Variants in TMEM273 observed in about 807,000 individuals in gnomAD.
TMEM273 encodes transmembrane protein 273.
TMEM273 carries 19 observed loss-of-function variants against 17.9 expected under a neutral mutation model. The ratio of observed to expected loss-of-function variants is 1.06; its 90% CI spans 0.74 to 1.55. The LOEUF (loss-of-function observed/expected upper bound fraction) is 1.55, where lower values mean the gene tolerates loss of function less well. Ranked by LOEUF, TMEM273 falls within the 40% of genes most tolerant of loss-of-function variation. TMEM273 has a pLI of 0.00. For missense variants in TMEM273, 194 were observed against 155.6 expected, an observed-to-expected ratio of 1.25 and a Z score of -1.31; for synonymous variants, 66 against 62.0, an observed-to-expected ratio of 1.07 and a Z score of -0.31.
chr10:49,157,681 A>G (rs542344799), intron 6 of TMEM273, among the ~76,000 whole-genome samples: 10 of 152,226 alleles, frequency 6.6e-5, no homozygotes, highest in Non-Finnish European at 1.3e-4. Context: ...GAACTGATGA[A>G]TGCTCCTTAA....
chr10:49,177,527 T>G (rs989180615), intron 1 of TMEM273, among the ~76,000 whole-genome samples: 1 of 152,228 alleles, frequency 6.6e-6, no homozygotes, highest in African/African-American at 2.4e-5. Context: ...AGGGCCTCTC[T>G]TGGGGACAGT....
intron 1 of TMEM273, among the ~76,000 whole-genome samples, chr10:49,181,692 CA>C (rs1847349446): frequency 2.6e-5 from 4 of 151,992 alleles, no homozygotes; most frequent in Admixed American, 2.6e-4. Context: ...ATACTTTAAA[CA>C]AAAAGAGCTC....
At chr10:49,169,300 G>T (rs1846401532) in intron 1 of TMEM273, among the ~76,000 whole-genome samples, 1 of 152,202 alleles carries the variant, frequency 6.6e-6, no homozygotes, top group South Asian at 2.1e-4. Flanking sequence ...AGACCAGATG[G>T]TATGATGAAG....
chr10:49,156,932 C>T (rs1418020999), intron 6 of TMEM273, among the ~76,000 whole-genome samples: 2 of 152,170 alleles, frequency 1.3e-5, no homozygotes, highest in Non-Finnish European at 2.9e-5. Flanking sequence ...CAAGCAAGGG[C>T]CTCAAATGCC....
chr10:49,154,983 A>G lies in TMEM273; in HGVS notation c.*909T>C, dbSNP rs1033135665. On this transcript the variant is annotated 3_prime_UTR_variant, in exon 7 of 7. Coordinates refer to ENST00000374153, the MANE Select transcript of TMEM273 (RefSeq NM_001288740.3). ...GAGATTTCCTGGAAAGTGGAAAGGC[A>G]AAGAATATTCCGTGATGTGATCCCA... The G allele has an allele frequency of 2.6e-5, 4 of 152,254 alleles. No homozygotes were observed. Among genetic ancestry groups the G allele is most frequent in the African/African-American group, 9.6e-5 (4 of 41,464 alleles). The allele number at this position is 152,254 out of a possible 1,614,324, so 9.4% of individuals were successfully genotyped here. A position where few individuals can be genotyped will look rare whatever the true frequency, so the allele number is the denominator to read the frequency against.
At chr10:49,184,473 A>T (rs1177069450) in intron 1 of TMEM273, among the ~76,000 whole-genome samples, 1 of 152,248 alleles carries the variant, frequency 6.6e-6, no homozygotes, top group Non-Finnish European at 1.5e-5. Flanking sequence ...CTTGGGAGAA[A>T]GGTATATAAA....
At chr10:49,181,142 A>G (rs1015840136) in intron 1 of TMEM273, among the ~76,000 whole-genome samples, 1 of 152,214 alleles carries the variant, frequency 6.6e-6, no homozygotes, top group Non-Finnish European at 1.5e-5. Context: ...TTTAAATACA[A>G]CACAACTTAC....
chr10:49,155,863 C>T lies in TMEM273; in HGVS notation c.*29G>A. ...GGGCTGTTTTCCACGGGGCTAGAAC[C>T]CCTCTTCACGTCACTGCTCACCTAC... On this transcript the variant is annotated 3_prime_UTR_variant, in exon 7 of 7. Transcript: ENST00000374153. The T allele has an allele frequency of 6.2e-7, 1 of 1,614,154 alleles. No homozygotes were observed. Among genetic ancestry groups the T allele is most frequent in the East Asian group, 2.2e-5 (1 of 44,890 alleles).
intron 3 of TMEM273, 101 bp downstream of exon 3, chr10:49,166,768 C>T (rs1344220995): frequency 5.8e-6 from 9 of 1,547,360 alleles, no homozygotes; most frequent in Non-Finnish European, 7.1e-6. Context: ...CTGTTGGGCT[C>T]TGCGCTTGTG....
intron 6 of TMEM273, chr10:49,160,528 A>G (rs1590182893): frequency 6.6e-6 from 1 of 152,224 alleles, no homozygotes; most frequent in Non-Finnish European, 1.5e-5. Context: ...CAAAATAAAT[A>G]CAAATATTTT....
At chr10:49,167,060 C>T (rs1212970752) in intron 2 of TMEM273, 51 bp from the exon 3 acceptor site, 2 of 1,600,580 alleles carry the variant, frequency 1.2e-6, no homozygotes, top group African/African-American at 2.7e-5. Context: ...CTGCAGCTCC[C>T]TCTGCATTCC....
At chr10:49,158,726 A>T (rs1845664189) in intron 6 of TMEM273, among the ~76,000 whole-genome samples, 1 of 152,216 alleles carries the variant, frequency 6.6e-6, no homozygotes, top group Middle Eastern at 3.2e-3. Flanking sequence ...AAAAGAGGCA[A>T]ATGAAACACT....
intron 5 of TMEM273, among the ~76,000 whole-genome samples, chr10:49,163,306 TGAGAGA>T (rs3080161): frequency 1.0e-4 from 15 of 147,764 alleles, no homozygotes; most frequent in Non-Finnish European, 1.8e-4. Context: ...TGTGTGTGTG[TGAGAGA>T]GAGAGAGAGA....
intron 1 of TMEM273, among the ~76,000 whole-genome samples, chr10:49,187,818 G>A (rs1372268116): frequency 6.6e-6 from 1 of 152,178 alleles, no homozygotes; most frequent in East Asian, 1.9e-4. Flanking sequence ...TTCACTGCAT[G>A]AGAATTCTGA....
At chr10:49,158,044 CA>C (rs1845616232) in intron 6 of TMEM273, among the ~76,000 whole-genome samples, 1 of 152,038 alleles carries the variant, frequency 6.6e-6, no homozygotes. Flanking sequence ...GACATAATGG[CA>C]AAAACTCCAT....
intron 6 of TMEM273, among the ~76,000 whole-genome samples, chr10:49,159,859 A>C (rs1266394922): frequency 1.3e-5 from 2 of 152,178 alleles, no homozygotes; most frequent in African/African-American, 4.8e-5. Context: ...TCAAAGACTA[A>C]TGGGTTCTGT....
chr10:49,168,061 A>C (rs2466756), intron 1 of TMEM273, 99 bp from the exon 2 acceptor site: 528,074 of 1,431,372 alleles, frequency 0.37, 101,502 homozygotes, highest in African/African-American at 0.61. Flanking sequence ...CCATGTACCC[A>C]CCAGGAGCAC....
At chr10:49,172,204 C>T (rs1846619535) in intron 1 of TMEM273, among the ~76,000 whole-genome samples, 1 of 152,122 alleles carries the variant, frequency 6.6e-6, no homozygotes, top group Non-Finnish European at 1.5e-5. Context: ...AGGGCTCACA[C>T]ATGTAAATAA....
chr10:49,155,941 A>T (rs1329582014), intron 6 of TMEM273, 32 bp from the exon 7 acceptor site: 1 of 1,614,000 alleles, frequency 6.2e-7, no homozygotes, highest in African/African-American at 1.3e-5. Flanking sequence ...TGGAAGACTT[A>T]TTGAGAGAGC....
Sources: allele counts gnomAD v4.1 joint callset (sites outside exome capture counted in the v4.1 genomes callset), GRCh38; gene constraint gnomAD v4.1.1; transcripts MANE v1.5; gene names NCBI Gene and HGNC (gene_info 2026-07-23, HGNC 2026-07-21).